RELCH: variants seen among roughly 807,000 people sequenced by gnomAD.
RELCH encodes RAB11-binding protein RELCH.
In RELCH, 41 loss-of-function variants were observed where a neutral mutation model predicts 150.3. The ratio of observed to expected loss-of-function variants is 0.27; its 90% confidence interval spans 0.21 to 0.35. The LOEUF is 0.35. Ranked by LOEUF, RELCH falls within the 10% of genes least tolerant of loss-of-function variation. The pLI is 1.00. For synonymous variants in RELCH, 478 were observed against 531.8 expected (o/e 0.90, Z 1.39); for missense variants, 1,092 against 1,467.8 (o/e 0.74, Z 4.18).
intron 2 of RELCH, among the ~76,000 whole-genome samples, chr18:62,214,253 G>C (rs571400294): frequency 2.0e-4 from 30 of 152,226 alleles, no homozygotes; most frequent in African/African-American, 7.0e-4. Flanking sequence ...ACCATGGCTT[G>C]TTATTGAACC....
At chr18:62,224,230 G>C (rs2041069621) in intron 5 of RELCH, among the ~76,000 whole-genome samples, 1 of 152,058 alleles carries the variant, frequency 6.6e-6, no homozygotes, top group Non-Finnish European at 1.5e-5. Context: ...TTGGTTTTCT[G>C]TCCTTGTGAT....
chr18:62,199,710 A>G (rs1487698083), intron 1 of RELCH, among the ~76,000 whole-genome samples: 1 of 152,208 alleles, frequency 6.6e-6, no homozygotes, highest in Admixed American at 6.5e-5. Context: ...CCTGGAATCT[A>G]GGCGATCAGA....
chr18:62,199,807 T>C (rs149054997), intron 1 of RELCH, among the ~76,000 whole-genome samples: 139 of 152,336 alleles, frequency 9.1e-4, no homozygotes, highest in African/African-American at 3.3e-3. Flanking sequence ...CATATTTCTA[T>C]TCTGCCACTC....
chr18:62,293,462 C>G (rs928029986), intron 27 of RELCH, among the ~76,000 whole-genome samples: 1 of 151,986 alleles, frequency 6.6e-6, no homozygotes, highest in Non-Finnish European at 1.5e-5. Flanking sequence ...GCTCATAAAG[C>G]CTTCAACTGC....
At chr18:62,297,870 T>TA (rs1308425490) in intron 27 of RELCH, among the ~76,000 whole-genome samples, 1 of 152,204 alleles carries the variant, frequency 6.6e-6, no homozygotes, top group Admixed American at 6.5e-5. Flanking sequence ...TGTTTTTACT[T>TA]AAACATTATC....
chr18:62,286,512 A>G (rs972050674), intron 25 of RELCH, among the ~76,000 whole-genome samples: 4 of 152,050 alleles, frequency 2.6e-5, no homozygotes, highest in African/African-American at 9.7e-5. Flanking sequence ...AACTCAGTGC[A>G]AACAAGAAAG....
chr18:62,253,339 T>C (rs1442946937), intron 12 of RELCH, among the ~76,000 whole-genome samples: 1 of 151,736 alleles, frequency 6.6e-6, no homozygotes, highest in East Asian at 1.9e-4. Flanking sequence ...TGTATACTTG[T>C]ATATATTACA....
intron 5 of RELCH, among the ~76,000 whole-genome samples, chr18:62,226,266 T>C (rs548854095): frequency 1.3e-5 from 2 of 152,250 alleles, no homozygotes; most frequent in East Asian, 3.9e-4. Flanking sequence ...TATGAAGCTC[T>C]TCTAAAGATC....
chr18:62,279,890 C>A (rs1265275678), intron 23 of RELCH, 34 bp downstream of exon 23: 12 of 1,362,040 alleles, frequency 8.8e-6, no homozygotes, highest in Non-Finnish European at 1.1e-5. Flanking sequence ...TATTCGGCAT[C>A]CCTTTCAAAA....
chr18:62,304,636 C>A (rs776644254), intron 28 of RELCH, among the ~76,000 whole-genome samples: 3 of 152,148 alleles, frequency 2.0e-5, no homozygotes, highest in Non-Finnish European at 2.9e-5. Flanking sequence ...AGGCACAAGG[C>A]AATAAACTAG....
chr18:62,263,411 CTTAGTTTAACTTTCTGACTT>C (rs1461699023), intron 16 of RELCH, among the ~76,000 whole-genome samples: 2 of 151,836 alleles, frequency 1.3e-5, no homozygotes, highest in Non-Finnish European at 2.9e-5. Flanking sequence ...TTCTTGTTGA[CTTAGTTTAACTTTCTGACTT>C]TTAACAGTAG....
Position 62,274,106 on chromosome 18 carries a change from A to C in RELCH, c.2867+20A>C, listed in dbSNP as rs777450533. 1.3e-6 allele frequency: 2 copies of C among 1,525,860 alleles called. No homozygotes were observed. The highest frequency in any genetic ancestry group is 1.8e-6 in the Non-Finnish European group (2 of 1,101,666). The allele number at this position is 1,525,860 out of a possible 1,614,324, so 94.5% of individuals were successfully genotyped here. ...ATTGGGGTAAGAAATAACAGCTTAT[A>C]GTTTGCTAAAAGGCATATAAAGTTT... On this transcript the variant is annotated intron_variant, in intron 21 of 28. Coordinates refer to ENST00000644646, the MANE Select transcript of RELCH (RefSeq NM_001346231.2).
intron 5 of RELCH, among the ~76,000 whole-genome samples, chr18:62,226,335 A>G (rs2041216621): frequency 2.0e-5 from 3 of 152,130 alleles, no homozygotes; most frequent in Admixed American, 2.0e-4. Context: ...AAACTGTTGC[A>G]GTTAATAAAA....
chr18:62,274,941 G>A (rs550067071), intron 21 of RELCH, among the ~76,000 whole-genome samples: 3 of 152,188 alleles, frequency 2.0e-5, no homozygotes, highest in South Asian at 4.1e-4. Context: ...TTTTTGAGAC[G>A]GAGTCTCGCT....
intron 11 of RELCH, among the ~76,000 whole-genome samples, chr18:62,245,225 A>C (rs1397253196): frequency 6.6e-6 from 1 of 152,238 alleles, no homozygotes; most frequent in Non-Finnish European, 1.5e-5. Context: ...TAGCTTTCTA[A>C]AATATGTATA....
rs562924529 is a variant in RELCH, at chr18:62,209,499, G to T, written c.527-1654G>T. On this transcript the variant is annotated intron_variant, in intron 1 of 28. Transcript: ENST00000644646. ...AATTCTATTGCATTGTTCTGAATCT[G>T]TATGCCAAAACTGTGCTGCCTTGAT... Among the ~76,000 whole-genome samples, 6 of 152,284 alleles carry T rather than the reference G, an allele frequency of 3.9e-5. No individual in the cohort carries two copies. The South Asian group carries it at 1.2e-3, about 32-fold the overall frequency.
In RELCH at chr18:62,188,005, G is replaced by A. The variant is rs1244609199; in HGVS notation, c.500G>A (p.Ser167Asn). The part of the protein sequence containing the change: ...GVGGAGGREP[S>N]TASGGGQLNR... ...GGGGGCGCTGGAGGTCGGGAACCGAGTACAGCGTCGGGCGGGGGACAGCTC... is the reference window on the plus strand; with the variant it reads ...GGGGGCGCTGGAGGTCGGGAACCGAATACAGCGTCGGGCGGGGGACAGCTC... Residue 167 changes from serine to asparagine, a missense_variant, in exon 1 of 29, where the codon AGT becomes AAT. Physicochemically the swap from Ser to Asn is conservative, Grantham distance 46. Coordinates refer to ENST00000644646, the MANE Select transcript of RELCH (RefSeq NM_001346231.2). 15 of 1,588,152 alleles carry A rather than the reference G, an allele frequency of 9.4e-6. No homozygotes were observed. In the East Asian group the frequency reaches 3.1e-4, roughly 33 times the overall value.
At chr18:62,277,980 C>A in intron 22 of RELCH, 1 of 300,696 alleles carries the variant, frequency 3.3e-6, no homozygotes, top group Non-Finnish European at 4.9e-6. Context: ...TAGACTTGGA[C>A]AAGTTACTTT....
At chr18:62,291,746 A>C in intron 27 of RELCH, 115 bp downstream of exon 27, 1 of 652,230 alleles carries the variant, frequency 1.5e-6, no homozygotes. Context: ...ATCTAGCTCA[A>C]TGTCATTTTA....
Sources: gnomAD v4.1 joint callset for allele counts (sites outside exome capture counted in the v4.1 genomes callset) on GRCh38, gnomAD v4.1.1 for gene constraint, MANE v1.5 for transcripts, NCBI Gene and HGNC (gene_info 2026-07-23, HGNC 2026-07-21) for gene names.